DLGAP2: variants seen among roughly 807,000 people sequenced by gnomAD.
DLGAP2 encodes DLG associated protein 2.
DLGAP2 carries 26 observed loss-of-function variants against 100.3 expected under a neutral mutation model. The observed-to-expected ratio is 0.26, with a 90% confidence interval of 0.19 to 0.36. The LOEUF (loss-of-function observed/expected upper bound fraction) is 0.36, where lower values mean the gene tolerates loss of function less well. Ranked by LOEUF, DLGAP2 falls within the 10% of genes least tolerant of loss-of-function variation. The probability of loss-of-function intolerance (pLI) is 1.00; values close to 1 mark genes in which losing one functional copy is unlikely to be tolerated. For synonymous variants in DLGAP2, 886 were observed against 630.1 expected, an observed-to-expected ratio of 1.41 and a Z score of -6.08; for missense variants, 1,858 against 1,453.2, an observed-to-expected ratio of 1.28 and a Z score of -4.53.
At chr8:1,411,644 T>C (rs1169296963) in intron 3 of DLGAP2, among the ~76,000 whole-genome samples, 2 of 152,158 alleles carry the variant, frequency 1.3e-5, no homozygotes, top group African/African-American at 4.8e-5. Context: ...TCCTCTCCTT[T>C]CCCTCCTGCT....
At chr8:1,253,422 G>C (rs1173598692) in intron 2 of DLGAP2, among the ~76,000 whole-genome samples, 2 of 152,258 alleles carry the variant, frequency 1.3e-5, no homozygotes, top group Non-Finnish European at 2.9e-5. Context: ...AGAAGCCAGA[G>C]ATAGCATGCG....
At chr8:1,556,340 C>T (rs945401033) in intron 5 of DLGAP2, among the ~76,000 whole-genome samples, 1 of 152,120 alleles carries the variant, frequency 6.6e-6, no homozygotes, top group African/African-American at 2.4e-5. Context: ...TCTGTCCTCT[C>T]CCACCCAGGA....
chr8:1,033,586 T>A (rs1056470685), intron 2 of DLGAP2, among the ~76,000 whole-genome samples: 5 of 152,154 alleles, frequency 3.3e-5, no homozygotes, highest in African/African-American at 9.6e-5. Context: ...GAGGATAGCT[T>A]GAGCCTAGGA....
At chr8:1,184,697 A>C (rs1359398744) in intron 2 of DLGAP2, among the ~76,000 whole-genome samples, 1 of 152,050 alleles carries the variant, frequency 6.6e-6, no homozygotes, top group Non-Finnish European at 1.5e-5. Context: ...GTGGTTAGGG[A>C]GCAGGAGGAG....
intron 4 of DLGAP2, among the ~76,000 whole-genome samples, chr8:1,509,283 A>G (rs2130364142): frequency 6.7e-6 from 1 of 150,040 alleles, no homozygotes; most frequent in East Asian, 2.0e-4. Context: ...GTGAGCTGAT[A>G]TTACGCCTCT....
intron 1 of DLGAP2, among the ~76,000 whole-genome samples, chr8:871,242 G>A (rs1294571092): frequency 2.0e-5 from 3 of 152,220 alleles, no homozygotes; most frequent in Admixed American, 2.0e-4. Context: ...CATTTCTTCA[G>A]ATGGCCATCC....
In DLGAP2 at chr8:1,651,779, A is replaced by G. The variant is rs1248827268; in HGVS notation, c.1811-16550A>G. On this transcript the variant is annotated intron_variant, in intron 8 of 14. Transcript: ENST00000637795. ...AAAAATCCTTCTGATCGTATTTTCC[A>G]TCTGGGTATGTGCTCATCAGAAGTA... Among the ~76,000 whole-genome samples the G allele has an allele frequency of 2.0e-5, 3 of 152,312 alleles. No homozygotes were observed. In the South Asian group the frequency reaches 6.2e-4, roughly 32 times the overall value.
intron 1 of DLGAP2, among the ~76,000 whole-genome samples, chr8:894,995 G>A (rs906587091): frequency 6.2e-5 from 9 of 144,224 alleles, no homozygotes; most frequent in Non-Finnish European, 1.4e-4. Flanking sequence ...GAAGAGCAGA[G>A]TGGTGGCTGG....
At chr8:889,849 C>G (rs553267498) in intron 1 of DLGAP2, among the ~76,000 whole-genome samples, 1 of 152,374 alleles carries the variant, frequency 6.6e-6, no homozygotes, top group African/African-American at 2.4e-5. Context: ...CTGTAAGAAT[C>G]TTCACGTTCC....
At chr8:1,118,272 C>G (rs557559754) in intron 2 of DLGAP2, among the ~76,000 whole-genome samples, 1 of 152,332 alleles carries the variant, frequency 6.6e-6, no homozygotes, top group South Asian at 2.1e-4. Context: ...TTCAGCTTCA[C>G]TCTGGTGCTG....
At chr8:1,058,031 TC>T (rs1802934516) in intron 2 of DLGAP2, among the ~76,000 whole-genome samples, 1 of 152,210 alleles carries the variant, frequency 6.6e-6, no homozygotes, top group Non-Finnish European at 1.5e-5. Flanking sequence ...ATAGTCTGCT[TC>T]TGGTGAACTT....
chr8:1,166,074 G>C (rs1417509452), intron 2 of DLGAP2, among the ~76,000 whole-genome samples: 1 of 152,248 alleles, frequency 6.6e-6, no homozygotes, highest in Non-Finnish European at 1.5e-5. Context: ...GTTATCTAAA[G>C]AGGAGGCTCT....
chr8:749,776 G>A (rs554281400), intron 1 of DLGAP2, among the ~76,000 whole-genome samples: 1 of 152,274 alleles, frequency 6.6e-6, no homozygotes, highest in South Asian at 2.1e-4. Context: ...TGCCCGAAAC[G>A]GCAGAGCGCG....
At chr8:1,049,607 A>G (rs1802614527) in intron 2 of DLGAP2, among the ~76,000 whole-genome samples, 1 of 152,172 alleles carries the variant, frequency 6.6e-6, no homozygotes, top group South Asian at 2.1e-4. Context: ...CTCCACTCTG[A>G]AATAACCACT....
chr8:989,413 C>T (rs984080802), intron 2 of DLGAP2, among the ~76,000 whole-genome samples: 1 of 152,176 alleles, frequency 6.6e-6, no homozygotes, highest in African/African-American at 2.4e-5. Context: ...CCTGAATCGG[C>T]CGCACTTGTG....
rs748112079 is a variant in DLGAP2, at chr8:1,059,756, G to A, written c.73+151790G>A. Among the ~76,000 whole-genome samples, 10 of 152,280 alleles carry A rather than the reference G, an allele frequency of 6.6e-5. No homozygotes were observed. In the East Asian group the frequency reaches 1.2e-3, roughly 18 times the overall value. On this transcript the variant is annotated intron_variant, in intron 2 of 14. Transcript: ENST00000637795. ...CGTGAGGCAGGTGAGGGAATTCCAC[G>A]TCTGTGCAGGCGCAGTGGTGACCGC...
chr8:1,360,087 G>C (rs1002188125), intron 3 of DLGAP2, among the ~76,000 whole-genome samples: 1 of 152,158 alleles, frequency 6.6e-6, no homozygotes, highest in Non-Finnish European at 1.5e-5. Context: ...ATCCACCGAA[G>C]CCCTTTGTGT....
chr8:1,286,189 G>A (rs565614211), intron 3 of DLGAP2, among the ~76,000 whole-genome samples: 13 of 152,276 alleles, frequency 8.5e-5, no homozygotes, highest in Admixed American at 5.2e-4. Flanking sequence ...TATAAGGGGC[G>A]TCCCCCTTTG....
chr8:1,423,117 T>A (rs1354372920), intron 3 of DLGAP2, among the ~76,000 whole-genome samples: 1 of 152,208 alleles, frequency 6.6e-6, no homozygotes, highest in East Asian at 1.9e-4. Flanking sequence ...GGGGAAATAA[T>A]ATGTTTTTAA....
Sources: gnomAD v4.1 joint callset for allele counts (sites outside exome capture counted in the v4.1 genomes callset) on GRCh38, gnomAD v4.1.1 for gene constraint, MANE v1.5 for transcripts, NCBI Gene and HGNC (gene_info 2026-07-23, HGNC 2026-07-21) for gene names.